The following SPIDR variants were observed in gnomAD, a reference collection of about 807,000 sequenced individuals.
SPIDR encodes scaffold protein involved in DNA repair.
Under a neutral mutation model 104.6 loss-of-function variants are expected in SPIDR, and 93 were observed. The ratio of observed to expected loss-of-function variants is 0.89; its 90% CI spans 0.75 to 1.06. SPIDR has a LOEUF of 1.06. SPIDR is among the 50% of genes least tolerant of loss of function. SPIDR has a pLI of 0.00. For synonymous variants in SPIDR, 431 were observed against 416.9 expected, an observed-to-expected ratio of 1.03 and a Z score of -0.41; for missense variants, 1,154 against 1,111.2, an observed-to-expected ratio of 1.04 and a Z score of -0.55.
intron 10 of SPIDR, among the ~76,000 whole-genome samples, chr8:47,629,341 A>T (rs2066694623): frequency 6.6e-6 from 1 of 152,210 alleles, no homozygotes; most frequent in South Asian, 2.1e-4. Flanking sequence ...ATTGGCAAGC[A>T]TATTATTTTA....
intron 8 of SPIDR, among the ~76,000 whole-genome samples, chr8:47,593,968 T>G (rs1045322893): frequency 6.6e-6 from 1 of 151,746 alleles, no homozygotes; most frequent in African/African-American, 2.4e-5. Context: ...GGGCAGGGAG[T>G]GTTGCTTGGT....
intron 8 of SPIDR, among the ~76,000 whole-genome samples, chr8:47,587,536 G>T (rs573558318): frequency 2.0e-5 from 3 of 150,898 alleles, no homozygotes; most frequent in Admixed American, 6.6e-5. Flanking sequence ...AACCTGGGAG[G>T]CAGACGGAGG....
intron 10 of SPIDR, among the ~76,000 whole-genome samples, chr8:47,641,141 TTAAA>T (rs1379016900): frequency 6.6e-6 from 1 of 151,890 alleles, no homozygotes; most frequent in Non-Finnish European, 1.5e-5. Context: ...CACTAAGAAA[TTAAA>T]TAAGACTAGG....
chr8:47,294,164 G>A, intron 5 of SPIDR, 134 bp downstream of exon 5: 1 of 1,091,248 alleles, frequency 9.2e-7, no homozygotes, highest in Non-Finnish European at 1.3e-6. Flanking sequence ...GGATTCTTTT[G>A]TTCTTTACTC....
intron 8 of SPIDR, among the ~76,000 whole-genome samples, chr8:47,488,714 T>G (rs909284157): frequency 1.3e-5 from 2 of 152,176 alleles, no homozygotes; most frequent in Non-Finnish European, 2.9e-5. Context: ...AATCAATAAA[T>G]GTAATCCAGC....
chr8:47,514,115 T>G (rs2082768123), intron 8 of SPIDR, among the ~76,000 whole-genome samples: 1 of 152,206 alleles, frequency 6.6e-6, no homozygotes, highest in African/African-American at 2.4e-5. Context: ...ATTTAAGTAT[T>G]AGCTGACAGG....
intron 8 of SPIDR, among the ~76,000 whole-genome samples, chr8:47,448,487 C>A (rs1213353208): frequency 6.6e-6 from 1 of 152,016 alleles, no homozygotes; most frequent in Non-Finnish European, 1.5e-5. Context: ...TTGTTTCTGC[C>A]CTTAAGGAGC....
intron 8 of SPIDR, among the ~76,000 whole-genome samples, chr8:47,593,957 G>T (rs537382257): frequency 6.6e-6 from 1 of 152,230 alleles, no homozygotes; most frequent in Non-Finnish European, 1.5e-5. Context: ...CCACCCCAGA[G>T]GGGCAGGGAG....
chr8:47,638,190 G>A (rs1308863093), intron 10 of SPIDR, among the ~76,000 whole-genome samples: 1 of 151,786 alleles, frequency 6.6e-6, no homozygotes, highest in African/African-American at 2.4e-5. Context: ...GGCTTATCTT[G>A]TATATTTTCT....
intron 2 of SPIDR, among the ~76,000 whole-genome samples, chr8:47,283,584 T>A (rs2038237525): frequency 6.6e-6 from 1 of 152,152 alleles, no homozygotes; most frequent in African/African-American, 2.4e-5. Context: ...AATTTTCAAT[T>A]TGTAAAAAAA....
chr8:47,420,240 G>A (rs1376492707), intron 7 of SPIDR, among the ~76,000 whole-genome samples: 2 of 152,136 alleles, frequency 1.3e-5, no homozygotes, highest in African/African-American at 2.4e-5. Context: ...TTATTATTGT[G>A]TGGGAGTCTA....
chr8:47,695,707 G>A (rs1244064548), intron 11 of SPIDR, among the ~76,000 whole-genome samples: 2 of 152,216 alleles, frequency 1.3e-5, no homozygotes, highest in African/African-American at 2.4e-5. Flanking sequence ...CAGTGGACTG[G>A]AGAGTGGAAA....
chr8:47,359,921 G>T (rs1209613803), intron 5 of SPIDR, among the ~76,000 whole-genome samples: 35 of 152,100 alleles, frequency 2.3e-4, no homozygotes. Flanking sequence ...AAAGAGCCTG[G>T]AACAATTTAT....
intron 5 of SPIDR, among the ~76,000 whole-genome samples, chr8:47,321,181 A>G (rs2154262032): frequency 6.6e-6 from 1 of 152,322 alleles, no homozygotes; most frequent in African/African-American, 2.4e-5. Context: ...ATACGATTGT[A>G]TATTTATAAA....
At chr8:47,428,920 A>G (rs192596100) in intron 7 of SPIDR, among the ~76,000 whole-genome samples, 1 of 152,328 alleles carries the variant, frequency 6.6e-6, no homozygotes, top group Admixed American at 6.5e-5. Flanking sequence ...TAAAACCACA[A>G]AGCCAACTAG....
At chr8:47,297,042 G>C (rs1398295635) in intron 5 of SPIDR, among the ~76,000 whole-genome samples, 1 of 152,104 alleles carries the variant, frequency 6.6e-6, no homozygotes, top group Non-Finnish European at 1.5e-5. Flanking sequence ...TTCATTCTTA[G>C]AATAGAGAAA....
At chr8:47,502,108 T>A (rs2080575057) in intron 8 of SPIDR, among the ~76,000 whole-genome samples, 1 of 152,232 alleles carries the variant, frequency 6.6e-6, no homozygotes, top group Non-Finnish European at 1.5e-5. Context: ...TTGTCTTTTT[T>A]TGTTGTGTCT....
chr8:47,668,090 A>G (rs1003354205), intron 10 of SPIDR, among the ~76,000 whole-genome samples: 2 of 152,196 alleles, frequency 1.3e-5, no homozygotes, highest in African/African-American at 2.4e-5. Context: ...AAAACACTAA[A>G]GCTAAATGAT....
chr8:47,719,776 G>A (rs548666863), intron 16 of SPIDR, among the ~76,000 whole-genome samples: 5 of 151,960 alleles, frequency 3.3e-5, no homozygotes, highest in South Asian at 4.2e-4. Context: ...GGAAACCAGG[G>A]AAGCCAAGGC....
Sources: allele counts gnomAD v4.1 joint callset (sites outside exome capture counted in the v4.1 genomes callset), GRCh38; gene constraint gnomAD v4.1.1; transcripts MANE v1.5; gene names NCBI Gene and HGNC (gene_info 2026-07-23, HGNC 2026-07-21).